Variants in WDR49 observed in about 807,000 individuals in gnomAD.
The protein encoded by WDR49 is WD repeat domain 49.
WDR49 carries 107 observed loss-of-function variants against 119.5 expected under a neutral mutation model. The ratio of observed to expected loss-of-function variants is 0.90; its 90% confidence interval spans 0.77 to 1.05. WDR49 has a LOEUF of 1.05. Ranked by LOEUF, WDR49 falls within the 50% of genes least tolerant of loss-of-function variation. WDR49 has a pLI of 0.00. For synonymous variants in WDR49, 425 were observed against 418.8 expected, an observed-to-expected ratio of 1.01 and a Z score of -0.18; for missense variants, 1,240 against 1,220.5, an observed-to-expected ratio of 1.02 and a Z score of -0.24.
Position 167,564,603 on chromosome 3 carries a change from G to A in WDR49, c.1510-4375C>T, listed in dbSNP as rs144800025. On this transcript the variant is annotated intron_variant, in intron 8 of 18. Coordinates refer to ENST00000682715, the MANE Select transcript of WDR49 (RefSeq NM_001366157.1). The stretch of plus-strand genomic sequence containing the variant: ...CTTATCAGGCTAGACTTCAGCTGAT[G>A]AGGACGGGGCCCTGACAGTCTGCAG... 7.3e-4 allele frequency among the ~76,000 whole-genome samples: 111 copies of A among 152,322 alleles called. 1 individual carries two copies. Among genetic ancestry groups the A allele is most frequent in the African/African-American group, 2.5e-3 (105 of 41,578 alleles).
At chr3:167,655,051 T>A (rs979563774), upstream of WDR49, among the ~76,000 whole-genome samples, 2 of 152,208 alleles carry the variant, frequency 1.3e-5, no homozygotes, top group African/African-American at 4.8e-5. Context: ...CTGGGTAATT[T>A]ATAAAGGAAA....
Position 167,522,344 on chromosome 3 carries a change from A to C in WDR49, c.2745T>G (p.Asn915Lys). ...CLDPTEHSLL[N>K]KKNKDDSTYN... ...ATGTTGAGTCATCTTTGTTTTTCTT[A>C]TTAAGTAGAGAATGTTCTGTTGGGT... Residue 915 changes from asparagine to lysine, a missense_variant, in exon 16 of 19, where the codon AAT becomes AAG. By Grantham distance (94) the Asn-to-Lys change is moderately conservative (BLOSUM62 0). Transcript: ENST00000682715. 1.3e-6 allele frequency: 2 copies of C among 1,588,958 alleles called. No individual in the cohort carries two copies. The highest frequency in any genetic ancestry group is 1.7e-6 in the Non-Finnish European group (2 of 1,174,280).
At chr3:167,482,518 A>AT (rs1416228459) in intron 18 of WDR49, among the ~76,000 whole-genome samples, 1 of 151,392 alleles carries the variant, frequency 6.6e-6, no homozygotes, top group East Asian at 1.9e-4. Flanking sequence ...AAAAAAAAAA[A>AT]AATACAAAAA....
At chr3:167,618,852 A>G (rs1716724468) in intron 5 of WDR49, among the ~76,000 whole-genome samples, 1 of 152,190 alleles carries the variant, frequency 6.6e-6, no homozygotes, top group South Asian at 2.1e-4. Flanking sequence ...TGACCTAGAG[A>G]ACAATCCTTG....
intron 10 of WDR49, among the ~76,000 whole-genome samples, chr3:167,538,610 A>G (rs1711610335): frequency 6.6e-6 from 1 of 151,980 alleles, no homozygotes; most frequent in Admixed American, 6.6e-5. Context: ...CATTTATTCT[A>G]TAAGAATTTC....
intron 7 of WDR49, among the ~76,000 whole-genome samples, chr3:167,584,401 A>T (rs140294800): frequency 8.5e-4 from 129 of 152,292 alleles, no homozygotes; most frequent in Non-Finnish European, 1.6e-3. Flanking sequence ...TTTCAATCCA[A>T]ATACTGATAG....
At chr3:167,531,336 T>C (rs1043601806) in intron 12 of WDR49, 57 bp from the exon 13 acceptor site, 23 of 1,581,742 alleles carry the variant, frequency 1.5e-5, no homozygotes, top group Non-Finnish European at 1.8e-5. Context: ...CTTTTCAAAC[T>C]AATGCCTATG....
chr3:167,652,591 A>G (rs1559933807), intron 2 of WDR49, among the ~76,000 whole-genome samples: 1 of 152,256 alleles, frequency 6.6e-6, no homozygotes, highest in Non-Finnish European at 1.5e-5. Flanking sequence ...GCATAGCTGC[A>G]GAATTCAAAA....
chr3:167,583,647 G>C (rs9877618), intron 7 of WDR49, among the ~76,000 whole-genome samples: 2 of 151,916 alleles, frequency 1.3e-5, no homozygotes, highest in Non-Finnish European at 2.9e-5. Context: ...ACTTAAAATG[G>C]GGACACTGAA....
In WDR49 at chr3:167,498,183, G is replaced by A. The variant is rs1269437302; in HGVS notation, c.3031+1970C>T. On this transcript the variant is annotated intron_variant, in intron 18 of 18. Transcript: ENST00000682715. ...GTGAATCATCCTGGTGAAAAGTGATGGGATGACAGACTGAAATCCTTATCA... is the reference window on the plus strand; with the variant it reads ...GTGAATCATCCTGGTGAAAAGTGATAGGATGACAGACTGAAATCCTTATCA... Among the ~76,000 whole-genome samples, 3 of 152,232 alleles carry A rather than the reference G, an allele frequency of 2.0e-5. No homozygotes were observed. The East Asian group carries it at 5.8e-4, about 29-fold the overall frequency.
rs2108265772 is a variant in WDR49 at position 167,554,778 on chromosome 3, A to G, written c.1695T>C (p.Tyr565=). 6.2e-7 allele frequency: 1 copy of G among 1,609,356 alleles called. No homozygotes were observed. The highest frequency in any genetic ancestry group is 2.2e-5 in the East Asian group (1 of 44,778). ...GTVKIWDFNG[Y]CHHTLNVGQD... is the part of the protein sequence containing the mutation. ...GCCCAACATTTAGTGTATGGTGACA[A>G]TATCCATTGAAGTCCCATATCTTTA... is the stretch of plus-strand genomic sequence containing the variant. The change falls in exon 10 of 19, where the codon TAT becomes TAC. Residue 565 remains tyrosine, a synonymous_variant. Coordinates refer to ENST00000682715, the MANE Select transcript of WDR49 (RefSeq NM_001366157.1).
chr3:167,572,920 C>A (rs1457311071), intron 8 of WDR49, among the ~76,000 whole-genome samples: 2 of 152,134 alleles, frequency 1.3e-5, no homozygotes, highest in Non-Finnish European at 2.9e-5. Context: ...AAGGGACATT[C>A]CTGAGGAGAA....
chr3:167,541,171 C>G (rs1711801673), intron 10 of WDR49, among the ~76,000 whole-genome samples: 1 of 152,002 alleles, frequency 6.6e-6, no homozygotes. Flanking sequence ...TTCTAGAGAT[C>G]CAAACATCCA....
intron 5 of WDR49, among the ~76,000 whole-genome samples, chr3:167,611,765 G>A (rs1320955121): frequency 6.6e-6 from 1 of 152,030 alleles, no homozygotes; most frequent in Non-Finnish European, 1.5e-5. Flanking sequence ...ATGATAAAGG[G>A]GTCAATTCAG....
At chr3:167,586,161 T>C (rs899421511) in intron 7 of WDR49, among the ~76,000 whole-genome samples, 4 of 152,324 alleles carry the variant, frequency 2.6e-5, no homozygotes, top group Middle Eastern at 3.4e-3. Flanking sequence ...GATTTGCTTC[T>C]GCTGACCAAA....
At chr3:167,538,543 T>C (rs536447136) in intron 10 of WDR49, among the ~76,000 whole-genome samples, 1 of 152,216 alleles carries the variant, frequency 6.6e-6, no homozygotes, top group East Asian at 1.9e-4. Flanking sequence ...AGTCTACCCA[T>C]CTCTGGCACA....
intron 13 of WDR49, among the ~76,000 whole-genome samples, chr3:167,530,006 A>G (rs996800002): frequency 3.3e-5 from 5 of 152,088 alleles, no homozygotes; most frequent in Admixed American, 2.0e-4. Flanking sequence ...AGTGAGAACA[A>G]TCTGGGAATA....
intron 2 of WDR49, among the ~76,000 whole-genome samples, chr3:167,633,080 G>A (rs1717445038): frequency 6.9e-6 from 1 of 145,690 alleles, no homozygotes; most frequent in African/African-American, 2.6e-5. Context: ...TGAGAATTTA[G>A]CCAAACTCGT....
chr3:167,651,477 C>T lies in WDR49; in HGVS notation c.165+1784G>A, dbSNP rs550785838. On this transcript the variant is annotated intron_variant, in intron 2 of 18. Transcript: ENST00000682715. Reference sequence around the variant, plus strand: ...AGTGCATCATTCTTCTTTAGGTGTCCGTGCTGTGTTTGGAAATCATGTTGG... The same window carrying T: ...AGTGCATCATTCTTCTTTAGGTGTCTGTGCTGTGTTTGGAAATCATGTTGG... Among the ~76,000 whole-genome samples, 13 of 152,186 alleles carry T rather than the reference C, an allele frequency of 8.5e-5. No individual in the cohort carries two copies. In the South Asian group the frequency reaches 1.2e-3, roughly 15 times the overall value.
Sources: allele counts gnomAD v4.1 joint callset (sites outside exome capture counted in the v4.1 genomes callset), GRCh38; gene constraint gnomAD v4.1.1; transcripts MANE v1.5; gene names NCBI Gene and HGNC (gene_info 2026-07-23, HGNC 2026-07-21).